ZBTB8OS: variants seen among roughly 807,000 people sequenced by gnomAD.
ZBTB8OS encodes tRNA splicing ligase complex subunit 1.
ZBTB8OS carries 16 observed loss-of-function variants against 29.3 expected under a neutral mutation model. That is an observed-to-expected ratio of 0.55 (90% CI 0.37 to 0.83). The LOEUF (loss-of-function observed/expected upper bound fraction) is 0.83. ZBTB8OS is among the 40% of genes least tolerant of loss of function. The pLI is 0.00. For synonymous variants in ZBTB8OS, 70 were observed against 64.6 expected (o/e 1.08, Z -0.40); for missense variants, 160 against 196.9 (o/e 0.81, Z 1.12).
At position 32,620,866 on chromosome 1, in the gene ZBTB8OS, A is replaced by G. The variant is rs192412036; in HGVS notation, c.*996T>C. 18 of 152,318 alleles carry G rather than the reference A, an allele frequency of 1.2e-4. 1 individual carries two copies. The East Asian group carries it at 3.3e-3, about 28-fold the overall frequency. 9.4% of individuals were successfully genotyped at this position (152,318 alleles called of 1,614,324 possible). ...ATTCTCTAGTTATAAACATGTACTC[A>G]CTTTCAAATAAAATTCTATATTAGA... On this transcript the variant is annotated 3_prime_UTR_variant, in exon 7 of 7. Transcript: ENST00000468695.
chr1:32,633,898 CA>C (rs1645755136), intron 3 of ZBTB8OS, 52 bp downstream of exon 3: 1 of 1,516,892 alleles, frequency 6.6e-7, no homozygotes, highest in African/African-American at 1.4e-5. Context: ...GAATACTGCA[CA>C]ATTCTATACA....
In ZBTB8OS at chr1:32,629,255, TA is replaced by T. The variant is rs548956079; in HGVS notation, c.381-1712del. Among the ~76,000 whole-genome samples the T allele has an allele frequency of 2.0e-4, 30 of 146,402 alleles. 1 individual carries two copies. Among genetic ancestry groups the T allele is most frequent in the South Asian group, 8.7e-4 (4 of 4,612 alleles). ...GCGAGACCCTGTCTCTACAAAAGAT[TA>T]AAAAAAAAAATTAGCCAGGCATGGT... On this transcript the variant is annotated intron_variant, in intron 5 of 6. Transcript: ENST00000468695.
chr1:32,650,667 C>G (rs1647416865), upstream of ZBTB8OS: 2 of 1,513,030 alleles, frequency 1.3e-6, no homozygotes, highest in Non-Finnish European at 1.8e-6. Context: ...GGCTGTTGAC[C>G]TACTTTAGTC....
chr1:32,649,670 T>TCACAC (rs1557835448), intron 1 of ZBTB8OS, among the ~76,000 whole-genome samples: 38 of 118,884 alleles, frequency 3.2e-4, no homozygotes, highest in African/African-American at 1.7e-3. Context: ...ACACACACAT[T>TCACAC]TTTTTTTTTT....
rs933168103 is a variant in ZBTB8OS, at chr1:32,647,477, G to A, written c.97+2956C>T. ...AGAAAAGAAAGAAAGGGTCAATGCA[G>A]GGGGTCCCCAACCCCCTGGCCAGTA... is the stretch of plus-strand genomic sequence containing the variant. On this transcript the variant is annotated intron_variant, in intron 1 of 6. Coordinates refer to ENST00000468695, the MANE Select transcript of ZBTB8OS (RefSeq NM_178547.5). Among the ~76,000 whole-genome samples, 6 of 151,984 alleles carry A rather than the reference G, an allele frequency of 3.9e-5. 1 individual carries two copies. The highest frequency in any genetic ancestry group is 1.4e-4 in the African/African-American group (6 of 41,486).
intron 6 of ZBTB8OS, among the ~76,000 whole-genome samples, chr1:32,627,000 T>A (rs1645174741): frequency 6.6e-6 from 1 of 152,230 alleles, no homozygotes; most frequent in South Asian, 2.1e-4. Flanking sequence ...TATCTATGGC[T>A]ACTTTGGTGC....
intron 1 of ZBTB8OS, among the ~76,000 whole-genome samples, chr1:32,649,317 G>C (rs1034821882): frequency 3.9e-5 from 6 of 151,904 alleles, no homozygotes; most frequent in African/African-American, 1.5e-4. Flanking sequence ...TATGCTAGGA[G>C]GTATGCCAGC....
intron 4 of ZBTB8OS, among the ~76,000 whole-genome samples, chr1:32,632,874 G>A (rs1408316145): frequency 6.6e-6 from 1 of 152,112 alleles, no homozygotes; most frequent in East Asian, 1.9e-4. Context: ...GGACGACATA[G>A]GATTTCAATC....
At chr1:32,637,980 T>A (rs78576281) in intron 1 of ZBTB8OS, among the ~76,000 whole-genome samples, 2 of 151,676 alleles carry the variant, frequency 1.3e-5, no homozygotes, top group East Asian at 1.9e-4. Context: ...ATCACAGGAG[T>A]CCACCACCAT....
At chr1:32,633,793 G>T (rs2148373694) in intron 3 of ZBTB8OS, 66 bp from the exon 4 acceptor site, 1 of 1,474,400 alleles carries the variant, frequency 6.8e-7, no homozygotes, top group Non-Finnish European at 9.2e-7. Flanking sequence ...ATTTAAAAGT[G>T]CAATAAATAA....
chr1:32,634,489 T>A, intron 2 of ZBTB8OS: 1 of 494,768 alleles, frequency 2.0e-6, no homozygotes, highest in Non-Finnish European at 3.6e-6. Flanking sequence ...CCTCCCAAAG[T>A]GCTGGGATTA....
rs377742 is a variant in ZBTB8OS at position 32,632,867 on chromosome 1, C to T, written c.327+778G>A. 3.7e-3 allele frequency among the ~76,000 whole-genome samples: 557 copies of T among 152,080 alleles called. 5 individuals carry two copies. Among genetic ancestry groups the T allele is most frequent in the African/African-American group, 0.013 (526 of 41,496 alleles). On this transcript the variant is annotated intron_variant, in intron 4 of 6. Coordinates refer to ENST00000468695, the MANE Select transcript of ZBTB8OS (RefSeq NM_178547.5). Reference sequence around the variant, plus strand: ...AAAACAGATATATGGTGGAGGAGGACGACATAGGATTTCAATCACTCTGAG... The same window carrying T: ...AAAACAGATATATGGTGGAGGAGGATGACATAGGATTTCAATCACTCTGAG...
At chr1:32,626,290 T>G (rs1416755806) in intron 6 of ZBTB8OS, among the ~76,000 whole-genome samples, 1 of 152,228 alleles carries the variant, frequency 6.6e-6, no homozygotes, top group Non-Finnish European at 1.5e-5. Context: ...CTGTACAGGT[T>G]CATAGCCTAG....
At chr1:32,649,931 T>A (rs1647194521) in intron 1 of ZBTB8OS, among the ~76,000 whole-genome samples, 1 of 152,182 alleles carries the variant, frequency 6.6e-6, no homozygotes, top group African/African-American at 2.4e-5. Flanking sequence ...CCCAAAGTGC[T>A]GGGATCACAG....
At chr1:32,645,697 A>G (rs1557820062) in intron 1 of ZBTB8OS, among the ~76,000 whole-genome samples, 1 of 152,060 alleles carries the variant, frequency 6.6e-6, no homozygotes, top group African/African-American at 2.4e-5. Context: ...TATAGCTCCA[A>G]AAGACCAAGC....
intron 1 of ZBTB8OS, among the ~76,000 whole-genome samples, chr1:32,649,663 CACACA>C (rs1475083034): frequency 1.4e-5 from 2 of 141,082 alleles, no homozygotes; most frequent in African/African-American, 6.0e-5. Context: ...CACACACACA[CACACA>C]TTTTTTTTTT....
At chr1:32,634,298 G>A (rs917675629) in intron 2 of ZBTB8OS, 3 of 338,734 alleles carry the variant, frequency 8.9e-6, no homozygotes, top group African/African-American at 2.1e-5. Flanking sequence ...GCGATCTCGG[G>A]TCACTGCAAC....
rs1645744464 is a variant in ZBTB8OS at position 32,633,724 on chromosome 1, TCTC to T, written c.245_247del (p.Gly82del). ...GTGAAACAGAAGAGACTGTAAGTCA[TCTC>T]CTACACAAGATCAAATAGTATATTT... On this transcript the variant is annotated inframe_deletion and splice_region_variant, in exon 4 of 7. Coordinates refer to ENST00000468695, the MANE Select transcript of ZBTB8OS (RefSeq NM_178547.5). The T allele has an allele frequency of 6.2e-7, 1 of 1,600,028 alleles. No homozygotes were observed. The highest frequency in any genetic ancestry group is 1.3e-5 in the African/African-American group (1 of 74,142).
chr1:32,634,951 C>T (rs532082441), intron 1 of ZBTB8OS, among the ~76,000 whole-genome samples, 159 bp from the exon 2 acceptor site: 2 of 151,950 alleles, frequency 1.3e-5, no homozygotes, highest in Admixed American at 1.3e-4. Flanking sequence ...ATTCACTCAA[C>T]AAAGCTAATT....
Sources: allele counts gnomAD v4.1 joint callset (sites outside exome capture counted in the v4.1 genomes callset), GRCh38; gene constraint gnomAD v4.1.1; transcripts MANE v1.5; gene names NCBI Gene and HGNC (gene_info 2026-07-23, HGNC 2026-07-21).